MAN2A1: variants seen among roughly 807,000 people sequenced by gnomAD.
MAN2A1 encodes mannosidase alpha class 2A member 1, also known as alpha-mannosidase 2.
In MAN2A1, 76 loss-of-function variants were observed where a neutral mutation model predicts 142.6. That is an observed-to-expected ratio of 0.53 (90% CI 0.44 to 0.65). The LOEUF (loss-of-function observed/expected upper bound fraction) is 0.65. Ranked by LOEUF, MAN2A1 falls within the 30% of genes least tolerant of loss-of-function variation. The pLI is 0.00. For synonymous variants in MAN2A1, 559 were observed against 473.2 expected (o/e 1.18, Z -2.35); for missense variants, 1,311 against 1,365.1 (o/e 0.96, Z 0.62).
chr5:109,691,985 A>G (rs552919085), intron 1 of MAN2A1, among the ~76,000 whole-genome samples: 2 of 152,270 alleles, frequency 1.3e-5, no homozygotes, highest in African/African-American at 4.8e-5. Flanking sequence ...CAGTAACCTC[A>G]TTTTCAGATT....
chr5:109,768,362 C>T (rs973283039), intron 6 of MAN2A1, among the ~76,000 whole-genome samples: 2 of 152,118 alleles, frequency 1.3e-5, no homozygotes, highest in African/African-American at 2.4e-5. Context: ...TATGTTACCT[C>T]TGCTTTATAT....
intron 12 of MAN2A1, among the ~76,000 whole-genome samples, chr5:109,798,465 C>G (rs1753922355): frequency 6.6e-6 from 1 of 152,130 alleles, no homozygotes; most frequent in South Asian, 2.1e-4. Context: ...AACGGAACTC[C>G]TCTTCCCTGC....
At chr5:109,824,865 A>G (rs1018953541) in intron 16 of MAN2A1, among the ~76,000 whole-genome samples, 1 of 152,100 alleles carries the variant, frequency 6.6e-6, no homozygotes, top group African/African-American at 2.4e-5. Context: ...TTCAAATTTC[A>G]TTAGTATTTG....
intron 12 of MAN2A1, among the ~76,000 whole-genome samples, chr5:109,798,713 G>A (rs1298335264): frequency 2.6e-5 from 4 of 151,924 alleles, no homozygotes; most frequent in African/African-American, 9.7e-5. Context: ...ATGGAGTATC[G>A]CTCTGTCGCC....
chr5:109,817,635 A>G (rs1242995910), intron 13 of MAN2A1, among the ~76,000 whole-genome samples, 197 bp downstream of exon 13: 3 of 152,034 alleles, frequency 2.0e-5, no homozygotes, highest in Non-Finnish European at 2.9e-5. Context: ...CTAAAATGTT[A>G]ATTTCTTTGT....
At position 109,781,618 on chromosome 5, in the gene MAN2A1, G is replaced by A; in HGVS notation, c.1577+20G>A. On this transcript the variant is annotated intron_variant, in intron 9 of 21. Coordinates refer to ENST00000261483, the MANE Select transcript of MAN2A1 (RefSeq NM_002372.4). ...TTTAAGGTACTTTTACCTTTCTATA[G>A]CTACATGTATTTTTTCACTTTATAT... The A allele has an allele frequency of 1.3e-6, 2 of 1,498,322 alleles. No individual in the cohort carries two copies. Among genetic ancestry groups the A allele is most frequent in the Non-Finnish European group, 1.8e-6 (2 of 1,107,558 alleles). The allele number at this position is 1,498,322 out of a possible 1,614,324, so 92.8% of individuals were successfully genotyped here. A position where few individuals can be genotyped will look rare whatever the true frequency, so the allele number is the denominator to read the frequency against.
At chr5:109,808,281 C>T (rs185305311) in intron 12 of MAN2A1, among the ~76,000 whole-genome samples, 7 of 152,254 alleles carry the variant, frequency 4.6e-5, no homozygotes, top group Admixed American at 2.0e-4. Context: ...TTCTAATAAA[C>T]ACGTAACTTC....
In MAN2A1 at chr5:109,755,363, G is replaced by A; in HGVS notation, c.742G>A (p.Gly248Ser). The A allele has an allele frequency of 6.2e-7, 1 of 1,612,622 alleles. No homozygotes were observed. Among genetic ancestry groups the A allele is most frequent in the Non-Finnish European group, 8.5e-7 (1 of 1,178,698 alleles). The stretch of plus-strand genomic sequence containing the variant: ...AAATGGTCAGCTTGAAATTGTGACA[G>A]GTGGCTGGGTTATGCCTGATGAAGC... Reference protein sequence around the residue: ...IENGQLEIVTGGWVMPDEATP... With the variant: ...IENGQLEIVTSGWVMPDEATP... The change falls in exon 5 of 22, where the codon GGT (glycine) becomes AGT (serine). Residue 248 changes from glycine to serine, a missense_variant. Around this residue, in one of 3 missense-constraint regions of MAN2A1, gnomAD observed 409 missense variants for 412.7 expected, o/e 0.99. Transcript: ENST00000261483.
chr5:109,752,483 C>A (rs957621977), intron 4 of MAN2A1, among the ~76,000 whole-genome samples: 1 of 152,204 alleles, frequency 6.6e-6, no homozygotes, highest in Non-Finnish European at 1.5e-5. Context: ...AGTCCATGCT[C>A]TCTTGGAGCT....
intron 15 of MAN2A1, among the ~76,000 whole-genome samples, chr5:109,820,932 T>G (rs1754606150): frequency 6.6e-6 from 1 of 152,238 alleles, no homozygotes; most frequent in Non-Finnish European, 1.5e-5. Context: ...GTATGCATTT[T>G]ATACAGACAC....
chr5:109,782,489 T>C (rs1006299462), intron 9 of MAN2A1, among the ~76,000 whole-genome samples: 6 of 152,176 alleles, frequency 3.9e-5, no homozygotes, highest in South Asian at 2.1e-4. Flanking sequence ...TTAAAACTAC[T>C]CCAGAGGCTC....
intron 16 of MAN2A1, among the ~76,000 whole-genome samples, chr5:109,837,935 G>A (rs917366080): frequency 6.6e-6 from 1 of 151,930 alleles, no homozygotes; most frequent in Non-Finnish European, 1.5e-5. Context: ...TCATATCTTA[G>A]CTATTTCTGT....
intron 2 of MAN2A1, 35 bp downstream of exon 2, chr5:109,713,809 T>G (rs764246228): frequency 5.2e-6 from 8 of 1,540,998 alleles, no homozygotes; most frequent in South Asian, 1.2e-5. Context: ...CACTGGCCTT[T>G]TTTTTTTTTT....
chr5:109,758,717 A>G (rs1482056615), intron 5 of MAN2A1, among the ~76,000 whole-genome samples: 2 of 148,822 alleles, frequency 1.3e-5, no homozygotes, highest in Non-Finnish European at 3.0e-5. Context: ...TAATATAACT[A>G]TTAATATAAT....
At chr5:109,790,841 T>G (rs533190465) in intron 12 of MAN2A1, among the ~76,000 whole-genome samples, 9 of 152,172 alleles carry the variant, frequency 5.9e-5, no homozygotes, top group Admixed American at 2.0e-4. Context: ...CATCTCTGGG[T>G]GCTCTTATGC....
At chr5:109,730,138 T>C (rs1264962033) in intron 4 of MAN2A1, among the ~76,000 whole-genome samples, 1 of 152,188 alleles carries the variant, frequency 6.6e-6, no homozygotes, top group East Asian at 1.9e-4. Flanking sequence ...ATCTTCCATA[T>C]AGAAAGTATC....
At chr5:109,757,730 C>G (rs967426544) in intron 5 of MAN2A1, among the ~76,000 whole-genome samples, 1 of 152,148 alleles carries the variant, frequency 6.6e-6, no homozygotes, top group Non-Finnish European at 1.5e-5. Context: ...CAGTCTCAGG[C>G]TATCACTAGT....
At position 109,784,849 on chromosome 5, in the gene MAN2A1, G is replaced by A; in HGVS notation, c.1683G>A (p.Arg561=). ...ACACGGCACTGACAGAAGCCAGAAGGAATTTGGGACTGTTTCAACATCATG... is the reference window on the plus strand; with the variant it reads ...ACACGGCACTGACAGAAGCCAGAAGAAATTTGGGACTGTTTCAACATCATG... ...SLYTALTEAR[R]NLGLFQHHDA... is the part of the protein sequence containing the mutation. Residue 561 remains arginine (R), a synonymous_variant, in exon 10 of 22, where the codon AGG becomes AGA. Transcript: ENST00000261483. 1 of 1,612,992 alleles carries A rather than the reference G, an allele frequency of 6.2e-7. No individual in the cohort carries two copies. Among genetic ancestry groups the A allele is most frequent in the Non-Finnish European group, 8.5e-7 (1 of 1,179,452 alleles).
At chr5:109,694,519 A>C (rs1350852365) in intron 1 of MAN2A1, among the ~76,000 whole-genome samples, 1 of 151,866 alleles carries the variant, frequency 6.6e-6, no homozygotes, top group Non-Finnish European at 1.5e-5. Flanking sequence ...CCAGTTTTAA[A>C]ATTTTTATTT....
Sources: allele counts gnomAD v4.1 joint callset (sites outside exome capture counted in the v4.1 genomes callset), GRCh38; gene constraint gnomAD v4.1.1; regional missense constraint gnomAD v4.1.1; transcripts MANE v1.5; gene names NCBI Gene and HGNC (gene_info 2026-07-23, HGNC 2026-07-21).